GALNTL6: variants seen among roughly 807,000 people sequenced by gnomAD.
The protein encoded by GALNTL6 is polypeptide N-acetylgalactosaminyltransferase like 6.
GALNTL6 carries 46 observed loss-of-function variants against 73.7 expected under a neutral mutation model. The ratio of observed to expected loss-of-function variants is 0.62; its 90% CI spans 0.49 to 0.80. The LOEUF is 0.80. Among genes scored for constraint, GALNTL6 ranks in the 30% least tolerant of loss-of-function variants. GALNTL6 has a pLI of 0.00. For synonymous variants in GALNTL6, 259 were observed against 263.7 expected (o/e 0.98, Z 0.17); for missense variants, 604 against 755.0 (o/e 0.80, Z 2.34).
chr4:172,902,747 G>A (rs1450959429), intron 8 of GALNTL6, among the ~76,000 whole-genome samples: 3 of 152,092 alleles, frequency 2.0e-5, no homozygotes, highest in African/African-American at 2.4e-5. Context: ...CCACCTATGC[G>A]GTAAGCTTAA....
In GALNTL6 at chr4:172,712,367, G is replaced by A. The variant is rs138569510; in HGVS notation, c.554-96994G>A. 8.3e-4 allele frequency among the ~76,000 whole-genome samples: 126 copies of A among 152,194 alleles called. 1 individual carries two copies. Among genetic ancestry groups the A allele is most frequent in the African/African-American group, 2.9e-3 (121 of 41,534 alleles). The stretch of plus-strand genomic sequence containing the variant: ...GCAGGTTAGTTACGTATGTATACAT[G>A]TGCCATGTTGGTGTGCTGCACCCAG... On this transcript the variant is annotated intron_variant, in intron 5 of 12. Transcript: ENST00000506823.
intron 5 of GALNTL6, among the ~76,000 whole-genome samples, chr4:172,538,454 C>A (rs1389117565): frequency 6.6e-6 from 1 of 151,728 alleles, no homozygotes; most frequent in Non-Finnish European, 1.5e-5. Flanking sequence ...AGTGAGACTC[C>A]ATCTCAAAAA....
At chr4:172,097,987 C>T (rs1050513248) in intron 2 of GALNTL6, among the ~76,000 whole-genome samples, 9 of 151,902 alleles carry the variant, frequency 5.9e-5, no homozygotes, top group Non-Finnish European at 1.0e-4. Flanking sequence ...CATAGGAGCA[C>T]ACTTTTGCCA....
chr4:171,906,252 C>A (rs1372652817), intron 2 of GALNTL6, among the ~76,000 whole-genome samples: 1 of 149,882 alleles, frequency 6.7e-6, no homozygotes, highest in Non-Finnish European at 1.5e-5. Flanking sequence ...ACTAGCAAGA[C>A]TAATAAAGAA....
chr4:171,932,730 G>A (rs1012419273), intron 2 of GALNTL6, among the ~76,000 whole-genome samples: 2 of 152,024 alleles, frequency 1.3e-5, no homozygotes, highest in Admixed American at 1.3e-4. Flanking sequence ...GAAATAGAAT[G>A]GTATACACAT....
intron 5 of GALNTL6, among the ~76,000 whole-genome samples, chr4:172,705,279 G>A (rs1579366515): frequency 1.4e-5 from 2 of 145,860 alleles, no homozygotes; most frequent in Non-Finnish European, 3.0e-5. Context: ...GCCTCCTTTT[G>A]TAGTTATTTT....
At chr4:172,313,170 G>C (rs1469990325) in intron 4 of GALNTL6, among the ~76,000 whole-genome samples, 2 of 131,816 alleles carry the variant, frequency 1.5e-5, no homozygotes, top group Non-Finnish European at 3.1e-5. Flanking sequence ...CTGTCGCCCA[G>C]GCTGGAGTGC....
intron 5 of GALNTL6, chr4:172,669,231 A>G (rs1345277421): frequency 2.0e-5 from 3 of 152,084 alleles, no homozygotes; most frequent in Non-Finnish European, 4.4e-5. Context: ...ATATCATTTA[A>G]CCTCTGTTGT....
intron 10 of GALNTL6, among the ~76,000 whole-genome samples, chr4:172,971,152 T>C (rs967562052): frequency 6.6e-6 from 1 of 152,222 alleles, no homozygotes; most frequent in Non-Finnish European, 1.5e-5. Flanking sequence ...TCCCTCTTTC[T>C]GTCACCCCCA....
intron 3 of GALNTL6, among the ~76,000 whole-genome samples, chr4:172,246,419 T>A (rs1737662269): frequency 6.6e-6 from 1 of 152,192 alleles, no homozygotes. Context: ...CATTAAAGAA[T>A]AACTTTTGAA....
At chr4:172,121,327 G>T (rs1020080004) in intron 2 of GALNTL6, among the ~76,000 whole-genome samples, 1 of 150,406 alleles carries the variant, frequency 6.6e-6, no homozygotes, top group Non-Finnish European at 1.5e-5. Context: ...ACAAGATTGT[G>T]GTTTTTGCAG....
chr4:172,272,899 G>C (rs532889859), intron 3 of GALNTL6, among the ~76,000 whole-genome samples: 1 of 152,044 alleles, frequency 6.6e-6, no homozygotes, highest in Non-Finnish European at 1.5e-5. Flanking sequence ...GGAGGTGAGA[G>C]AAAAGGAAGG....
At chr4:172,047,156 A>G (rs1028045756) in intron 2 of GALNTL6, among the ~76,000 whole-genome samples, 23 of 152,040 alleles carry the variant, frequency 1.5e-4, no homozygotes, top group Non-Finnish European at 2.6e-4. Context: ...AATTGACCCA[A>G]TTGCTGCCAC....
At chr4:171,912,195 A>T (rs1479874305) in intron 2 of GALNTL6, among the ~76,000 whole-genome samples, 1 of 152,196 alleles carries the variant, frequency 6.6e-6, no homozygotes, top group Admixed American at 6.5e-5. Context: ...TAGATCCTTT[A>T]TATTTATAGA....
intron 2 of GALNTL6, among the ~76,000 whole-genome samples, chr4:171,995,898 A>G (rs1179657420): frequency 6.6e-6 from 1 of 152,080 alleles, no homozygotes; most frequent in Admixed American, 6.6e-5. Context: ...ACATCTGACA[A>G]AAGTTGATAA....
chr4:172,740,042 C>G (rs568577610), intron 5 of GALNTL6, among the ~76,000 whole-genome samples: 20 of 151,898 alleles, frequency 1.3e-4, no homozygotes, highest in Admixed American at 1.3e-3. Flanking sequence ...ACTTCAAAAC[C>G]CTCCTGGATC....
At chr4:172,208,982 A>G (rs1322672355) in intron 2 of GALNTL6, among the ~76,000 whole-genome samples, 2 of 152,166 alleles carry the variant, frequency 1.3e-5, no homozygotes, top group African/African-American at 4.8e-5. Context: ...AATACATGAG[A>G]AAGGTTAAAC....
At chr4:172,057,725 A>ATATAT (rs1275437394) in intron 2 of GALNTL6, among the ~76,000 whole-genome samples, 3 of 62,856 alleles carry the variant, frequency 4.8e-5, no homozygotes, top group East Asian at 7.1e-4. Context: ...AAAAAAAAAA[A>ATATAT]AAATATATAT....
chr4:172,326,358 T>C (rs1204019897), intron 4 of GALNTL6, among the ~76,000 whole-genome samples: 1 of 152,010 alleles, frequency 6.6e-6, no homozygotes, highest in Non-Finnish European at 1.5e-5. Context: ...TTCTATCAAC[T>C]TTCGCTTCAT....
Sources: allele counts gnomAD v4.1 joint callset (sites outside exome capture counted in the v4.1 genomes callset), GRCh38; gene constraint gnomAD v4.1.1; transcripts MANE v1.5; gene names NCBI Gene and HGNC (gene_info 2026-07-23, HGNC 2026-07-21).